The following SMOC2 variants were observed in gnomAD, a reference collection of about 807,000 sequenced individuals.
SMOC2 encodes the protein SPARC related modular calcium binding 2.
SMOC2 carries 39 observed loss-of-function variants against 61.4 expected under a neutral mutation model. That is an observed-to-expected ratio of 0.64 (90% CI 0.49 to 0.83). The LOEUF is 0.83. SMOC2 is among the 40% of genes least tolerant of loss of function. The pLI, the probability that SMOC2 is intolerant of heterozygous loss-of-function variation, is 0.00. For missense variants in SMOC2, 556 were observed against 592.9 expected (o/e 0.94, Z 0.65); for synonymous variants, 247 against 239.9 (o/e 1.03, Z -0.27).
At chr6:168,479,410 G>C (rs577809919) in intron 1 of SMOC2, among the ~76,000 whole-genome samples, 1 of 152,312 alleles carries the variant, frequency 6.6e-6, no homozygotes, top group East Asian at 1.9e-4. Flanking sequence ...AGTGTTAGTA[G>C]TTTGGAGGAA....
At chr6:168,559,053 A>G (rs1282509952) in intron 7 of SMOC2, among the ~76,000 whole-genome samples, 1 of 152,264 alleles carries the variant, frequency 6.6e-6, no homozygotes, top group African/African-American at 2.4e-5. Context: ...GACAGGATTA[A>G]TAGGACCAAG....
At chr6:168,563,173 C>A (rs1363891648) in intron 7 of SMOC2, among the ~76,000 whole-genome samples, 3 of 152,288 alleles carry the variant, frequency 2.0e-5, no homozygotes, top group Non-Finnish European at 4.4e-5. Context: ...TGGTGTGGAT[C>A]CTGTGTTTAA....
At chr6:168,630,258 G>A (rs941611607) in intron 9 of SMOC2, among the ~76,000 whole-genome samples, 16 of 152,194 alleles carry the variant, frequency 1.1e-4, no homozygotes, top group Non-Finnish European at 2.1e-4. Context: ...GACCCCAAAC[G>A]GAGGGACCGG....
chr6:168,461,608 T>C (rs538801891), intron 1 of SMOC2, among the ~76,000 whole-genome samples: 3 of 152,342 alleles, frequency 2.0e-5, no homozygotes, highest in East Asian at 1.9e-4. Context: ...GAGTCTGATA[T>C]TGAGTTTTAC....
At chr6:168,652,188 A>C (rs1787212686) in intron 10 of SMOC2, among the ~76,000 whole-genome samples, 1 of 152,224 alleles carries the variant, frequency 6.6e-6, no homozygotes, top group African/African-American at 2.4e-5. Context: ...AACTAAACTA[A>C]ATTGCAAACT....
intron 4 of SMOC2, among the ~76,000 whole-genome samples, chr6:168,532,251 C>T (rs1783623015): frequency 6.6e-6 from 1 of 152,148 alleles, no homozygotes; most frequent in African/African-American, 2.4e-5. Flanking sequence ...GAGTGCCCTG[C>T]TGCCCCGGTG....
chr6:168,623,886 G>A (rs1233020242), intron 9 of SMOC2, among the ~76,000 whole-genome samples: 6 of 152,220 alleles, frequency 3.9e-5, no homozygotes, highest in African/African-American at 1.4e-4. Flanking sequence ...TGGGCTGTCG[G>A]TGCAGTGGCT....
Position 168,460,860 on chromosome 6 carries a change from C to T in SMOC2, c.84+19406C>T, listed in dbSNP as rs111616983. Among the ~76,000 whole-genome samples the T allele has an allele frequency of 8.4e-3, 1,286 of 152,246 alleles. 10 individuals are homozygous for T. The highest frequency in any genetic ancestry group is 0.02 in the Middle Eastern group (6 of 294). ...ATAATGTCAACATATTGTAGATATT[C>T]TTTGATTAAAATGCTTGTTTGATAA... On this transcript the variant is annotated intron_variant, in intron 1 of 12. Transcript: ENST00000356284.
rs138695164 is a variant in SMOC2, at chr6:168,555,834, C to T, written c.637+6631C>T. On this transcript the variant is annotated intron_variant, in intron 7 of 12. Coordinates refer to ENST00000356284, the MANE Select transcript of SMOC2 (RefSeq NM_001166412.2). ...GCCCTGAGCACCTGTTTCTGTTGAC[C>T]CCTCTCGGCCCTGAGCCCTTGTCTC... 1.8e-3 allele frequency among the ~76,000 whole-genome samples: 268 copies of T among 152,244 alleles called. 3 individuals carry two copies. In the Middle Eastern group the frequency reaches 0.02, roughly 12 times the overall value.
chr6:168,530,567 A>G (rs1038278097), intron 4 of SMOC2, among the ~76,000 whole-genome samples: 2 of 151,710 alleles, frequency 1.3e-5, no homozygotes, highest in African/African-American at 4.9e-5. Flanking sequence ...AATTAAAGTC[A>G]CAATTAAAGT....
intron 4 of SMOC2, among the ~76,000 whole-genome samples, chr6:168,531,050 C>T (rs548419604): frequency 2.6e-5 from 4 of 152,244 alleles, no homozygotes; most frequent in South Asian, 2.1e-4. Context: ...GAGCCCCACA[C>T]GGAGGCACCC....
chr6:168,454,710 T>C (rs750903895), intron 1 of SMOC2, among the ~76,000 whole-genome samples: 3 of 152,154 alleles, frequency 2.0e-5, no homozygotes, highest in East Asian at 1.9e-4. Flanking sequence ...CACTAAAATA[T>C]GTGAAAAAAA....
chr6:168,556,269 G>A (rs1784247408), intron 7 of SMOC2, among the ~76,000 whole-genome samples: 2 of 152,326 alleles, frequency 1.3e-5, no homozygotes, highest in Middle Eastern at 3.4e-3. Context: ...GCCCATACTC[G>A]GGAACCAGGG....
At chr6:168,459,151 T>C (rs1264671693) in intron 1 of SMOC2, among the ~76,000 whole-genome samples, 1 of 152,152 alleles carries the variant, frequency 6.6e-6, no homozygotes, top group Non-Finnish European at 1.5e-5. Flanking sequence ...GGTCATGTGA[T>C]GGATTTAGGT....
At chr6:168,461,393 A>C (rs1781716263) in intron 1 of SMOC2, among the ~76,000 whole-genome samples, 1 of 152,178 alleles carries the variant, frequency 6.6e-6, no homozygotes, top group African/African-American at 2.4e-5. Context: ...TTCATTTTTC[A>C]ATGGTGTTGG....
intron 4 of SMOC2, among the ~76,000 whole-genome samples, chr6:168,537,374 G>A (rs1783757513): frequency 6.6e-6 from 1 of 152,162 alleles, no homozygotes; most frequent in African/African-American, 2.4e-5. Flanking sequence ...CTGAAAGCTG[G>A]TCCTATTTAG....
At chr6:168,630,322 G>C (rs1009605269) in intron 9 of SMOC2, among the ~76,000 whole-genome samples, 4 of 152,214 alleles carry the variant, frequency 2.6e-5, no homozygotes, top group African/African-American at 9.6e-5. Flanking sequence ...ACATTTGTTA[G>C]TTCCCCAAAT....
intron 10 of SMOC2, among the ~76,000 whole-genome samples, 184 bp downstream of exon 10, chr6:168,650,967 C>T (rs920781773): frequency 2.2e-4 from 34 of 152,228 alleles, no homozygotes; most frequent in Admixed American, 1.2e-3. Flanking sequence ...AAGACTAAAT[C>T]ACTGAAAACA....
rs191543963 is a variant in SMOC2 at position 168,474,355 on chromosome 6, G to A, written c.84+32901G>A. ...CCTGGGGCACCTTTCACAGTGCCCCGCTCCTCCTTCCAGCATTTCCTGCTG... is the reference window on the plus strand; with the variant it reads ...CCTGGGGCACCTTTCACAGTGCCCCACTCCTCCTTCCAGCATTTCCTGCTG... On this transcript the variant is annotated intron_variant, in intron 1 of 12. Transcript: ENST00000356284. 2.6e-4 allele frequency among the ~76,000 whole-genome samples: 39 copies of A among 152,144 alleles called. No homozygotes were observed. In the East Asian group the frequency reaches 6.8e-3, roughly 26 times the overall value.
Sources: gnomAD v4.1 joint callset for allele counts (sites outside exome capture counted in the v4.1 genomes callset) on GRCh38, gnomAD v4.1.1 for gene constraint, MANE v1.5 for transcripts, NCBI Gene and HGNC (gene_info 2026-07-23, HGNC 2026-07-21) for gene names.